The following KIRREL1 variants were observed in gnomAD, a reference collection of about 807,000 sequenced individuals.
The protein encoded by KIRREL1 is kin of IRRE-like protein 1.
KIRREL1 carries 25 observed loss-of-function variants against 83.3 expected under a neutral mutation model. The ratio of observed to expected loss-of-function variants is 0.30; its 90% CI spans 0.22 to 0.42. The LOEUF (loss-of-function observed/expected upper bound fraction) is 0.42, where lower values mean the gene tolerates loss of function less well. KIRREL1 is among the 10% of genes least tolerant of loss of function. The pLI, the probability that KIRREL1 is intolerant of heterozygous loss-of-function variation, is 1.00. For synonymous variants in KIRREL1, 388 were observed against 410.4 expected (o/e 0.95, Z 0.66); for missense variants, 812 against 1,032.3 (o/e 0.79, Z 2.92).
intron 1 of KIRREL1, among the ~76,000 whole-genome samples, chr1:158,021,094 A>G (rs1047872032): frequency 7.9e-5 from 12 of 152,148 alleles, no homozygotes; most frequent in Admixed American, 3.9e-4. Flanking sequence ...AAAATGGCCA[A>G]TGTGGGCTGG....
chr1:158,008,406 C>G (rs907697896), intron 1 of KIRREL1, among the ~76,000 whole-genome samples: 17 of 152,148 alleles, frequency 1.1e-4, no homozygotes, highest in African/African-American at 3.1e-4. Flanking sequence ...GCTCCCCTGG[C>G]CTGCCCTAGG....
intron 1 of KIRREL1, among the ~76,000 whole-genome samples, chr1:158,048,449 G>A (rs971242243): frequency 2.6e-5 from 4 of 152,196 alleles, no homozygotes; most frequent in Non-Finnish European, 4.4e-5. Flanking sequence ...AACAAGACTA[G>A]GAAAGGCGTT....
chr1:158,025,803 C>G (rs1660152461), intron 1 of KIRREL1: 1 of 151,546 alleles, frequency 6.6e-6, no homozygotes, highest in Non-Finnish European at 1.5e-5. Context: ...TTTAATGAGC[C>G]ACTCTTCTTT....
At chr1:158,051,775 A>ACTTGCCATTGACTTCTGCCTCCC (rs1433084467) in intron 1 of KIRREL1, among the ~76,000 whole-genome samples, 4 of 152,338 alleles carry the variant, frequency 2.6e-5, no homozygotes, top group Non-Finnish European at 5.9e-5. Flanking sequence ...CCACCAGGCC[A>ACTTGCCATTGACTTCTGCCTCCC]CTTGCCATTG....
intron 1 of KIRREL1, among the ~76,000 whole-genome samples, chr1:158,034,220 A>G (rs1660407714): frequency 6.8e-6 from 1 of 147,810 alleles, no homozygotes; most frequent in African/African-American, 2.5e-5. Context: ...CAGTGAGCCG[A>G]GATAGCGCCA....
At chr1:158,072,950 T>G (rs960226652) in intron 1 of KIRREL1, among the ~76,000 whole-genome samples, 2 of 151,890 alleles carry the variant, frequency 1.3e-5, no homozygotes, top group Admixed American at 6.6e-5. Flanking sequence ...TGCCCTTGAG[T>G]GTCAAGAAGC....
intron 1 of KIRREL1, among the ~76,000 whole-genome samples, chr1:158,024,883 TGGGCACTTCTTGCCCTAAG>T (rs1660123907): frequency 6.6e-6 from 1 of 152,002 alleles, no homozygotes; most frequent in Non-Finnish European, 1.5e-5. Context: ...TCCTTGGAGG[TGGGCACTTCTTGCCCTAAG>T]CTGAGGAAAC....
intron 3 of KIRREL1, among the ~76,000 whole-genome samples, chr1:158,081,755 G>A (rs1661864959): frequency 6.6e-6 from 1 of 152,168 alleles, no homozygotes; most frequent in Non-Finnish European, 1.5e-5. Context: ...CACGGAGGAT[G>A]GGCAGAGAGT....
chr1:157,996,362 C>G (rs564887041), intron 1 of KIRREL1, among the ~76,000 whole-genome samples: 1 of 151,972 alleles, frequency 6.6e-6, no homozygotes, highest in East Asian at 1.9e-4. Flanking sequence ...TTCTCGCTCC[C>G]TAGTCTCGGG....
intron 9 of KIRREL1, 41 bp from the exon 10 acceptor site, chr1:158,089,677 C>T (rs576363418): frequency 6.2e-7 from 1 of 1,613,864 alleles, no homozygotes; most frequent in East Asian, 2.2e-5. Context: ...GCTGGTACTG[C>T]AGTTTTTAAC....
chr1:158,006,505 C>G (rs1025349215), intron 1 of KIRREL1, among the ~76,000 whole-genome samples: 9 of 152,190 alleles, frequency 5.9e-5, no homozygotes, highest in South Asian at 2.1e-4. Context: ...AGGTCATAGG[C>G]GAGACTGCCT....
Position 158,086,587 on chromosome 1 carries a change from A to T in KIRREL1, c.511-9A>T. 6.4e-7 allele frequency: 1 copy of T among 1,551,634 alleles called. No homozygotes were observed. Among genetic ancestry groups the T allele is most frequent in the Non-Finnish European group, 8.7e-7 (1 of 1,146,910 alleles). On this transcript the variant is annotated splice_polypyrimidine_tract_variant and intron_variant, in intron 4 of 14. Coordinates refer to ENST00000359209, the MANE Select transcript of KIRREL1 (RefSeq NM_018240.7). ...CTTAACCATATCTCCCACCCTTGTC[A>T]TGTTCCAGGAATTGCTGAAGGATGG... is the stretch of plus-strand genomic sequence containing the variant.
intron 1 of KIRREL1, among the ~76,000 whole-genome samples, chr1:158,048,489 T>C (rs927046555): frequency 6.6e-6 from 1 of 152,152 alleles, no homozygotes; most frequent in African/African-American, 2.4e-5. Flanking sequence ...GAGCCAGCAG[T>C]GTGCTGAAGC....
chr1:158,033,761 ACCT>A (rs1660391699), intron 1 of KIRREL1, among the ~76,000 whole-genome samples: 1 of 152,090 alleles, frequency 6.6e-6, no homozygotes, highest in Non-Finnish European at 1.5e-5. Context: ...CAGGTGGATC[ACCT>A]GAGATCAGGA....
At chr1:158,058,890 T>C (rs1054378212) in intron 1 of KIRREL1, among the ~76,000 whole-genome samples, 2 of 152,038 alleles carry the variant, frequency 1.3e-5, no homozygotes, top group African/African-American at 4.8e-5. Flanking sequence ...GAACAGAACA[T>C]AATACTGAGC....
intron 1 of KIRREL1, among the ~76,000 whole-genome samples, chr1:158,071,018 G>A (rs1375090431): frequency 2.0e-5 from 3 of 152,048 alleles, no homozygotes. Context: ...CAGGAGATGG[G>A]GTGCTGCCAG....
chr1:158,005,665 G>GTTT (rs1659496588), intron 1 of KIRREL1, among the ~76,000 whole-genome samples: 6 of 152,092 alleles, frequency 3.9e-5, no homozygotes, highest in Non-Finnish European at 7.3e-5. Context: ...CTTAAAAACT[G>GTTT]GGTCATGAGC....
chr1:158,038,411 A>G (rs1660531832), intron 1 of KIRREL1, among the ~76,000 whole-genome samples: 1 of 149,672 alleles, frequency 6.7e-6, no homozygotes, highest in Non-Finnish European at 1.5e-5. Flanking sequence ...AATGAGTGTT[A>G]TGATGTTAAA....
intron 1 of KIRREL1, among the ~76,000 whole-genome samples, chr1:158,043,461 T>C (rs1371675711): frequency 6.6e-6 from 1 of 152,158 alleles, no homozygotes; most frequent in African/African-American, 2.4e-5. Context: ...GGATCAGATA[T>C]GGTCTTTGTC....
Sources: gnomAD v4.1 joint callset for allele counts (sites outside exome capture counted in the v4.1 genomes callset) on GRCh38, gnomAD v4.1.1 for gene constraint, MANE v1.5 for transcripts, NCBI Gene and HGNC (gene_info 2026-07-23, HGNC 2026-07-21) for gene names.